Variants in INTS9 observed in about 807,000 individuals in gnomAD.
INTS9 encodes the protein integrator complex subunit 9, also known as protein related to CPSF subunits of 74 kDa.
INTS9 carries 55 observed loss-of-function variants against 79.7 expected under a neutral mutation model. The ratio of observed to expected loss-of-function variants is 0.69; its 90% CI spans 0.56 to 0.86. The LOEUF is 0.86. Among genes scored for constraint, INTS9 ranks in the 40% least tolerant of loss-of-function variants. The pLI is 0.00. For synonymous variants in INTS9, 319 were observed against 325.2 expected (o/e 0.98, Z 0.20); for missense variants, 721 against 831.5 (o/e 0.87, Z 1.64).
rs747979330 is a variant in INTS9, at chr8:28,775,864, C to T, written c.1458G>A (p.Met486Ile). Residue 486 changes from methionine (M) to isoleucine (I), a missense_variant, in exon 14 of 17, where the codon ATG (methionine) becomes ATA (isoleucine). Coordinates refer to ENST00000521022, the MANE Select transcript of INTS9 (RefSeq NM_018250.4). ...TQPPPAQSHR[M>I]DLMIDCQPPA... Reference sequence around the variant, plus strand: ...GGGGCTGGCAGTCGATCATGAGGTCCATCCTGTGGGACTGGGCTGGGGGCG... The same window carrying T: ...GGGGCTGGCAGTCGATCATGAGGTCTATCCTGTGGGACTGGGCTGGGGGCG... The T allele has an allele frequency of 1.9e-6, 3 of 1,612,438 alleles. No individual in the cohort carries two copies. Among genetic ancestry groups the T allele is most frequent in the South Asian group, 2.2e-5 (2 of 90,830 alleles).
In INTS9 at chr8:28,889,596, A is replaced by C. The variant is rs191947032; in HGVS notation, c.9+278T>G. On this transcript the variant is annotated intron_variant, in intron 1 of 16. Transcript: ENST00000521022. ...CGTCCAAACCTGGTTAACAGAGCCC[A>C]CAGAGTTCATGGGCGAAGGACTGTG... is the stretch of plus-strand genomic sequence containing the variant. 2.0e-3 allele frequency among the ~76,000 whole-genome samples: 309 copies of C among 152,298 alleles called. 2 individuals are homozygous for C. Among genetic ancestry groups the C allele is most frequent in the African/African-American group, 7.1e-3 (295 of 41,558 alleles).
chr8:28,872,732 A>G (rs972981831), intron 1 of INTS9, among the ~76,000 whole-genome samples: 1 of 152,198 alleles, frequency 6.6e-6, no homozygotes, highest in African/African-American at 2.4e-5. Flanking sequence ...AGCTATCAGG[A>G]GAGCCTGGAC....
chr8:28,859,781 C>T (rs1808355289), intron 1 of INTS9: 2 of 620,616 alleles, frequency 3.2e-6, no homozygotes, highest in Non-Finnish European at 5.9e-6. Flanking sequence ...TGTCTTTTCA[C>T]AGGGTGCCAA....
At chr8:28,828,071 C>T (rs573473518) in intron 6 of INTS9, among the ~76,000 whole-genome samples, 32 of 152,250 alleles carry the variant, frequency 2.1e-4, no homozygotes, top group Admixed American at 5.9e-4. Context: ...AAAGCACTGC[C>T]GCTCTCTGAG....
In INTS9 at chr8:28,796,562, C is replaced by G; in HGVS notation, c.838G>C (p.Glu280Gln). The G allele has an allele frequency of 6.2e-7, 1 of 1,611,120 alleles. No individual in the cohort carries two copies. Among genetic ancestry groups the G allele is most frequent in the Admixed American group, 1.7e-5 (1 of 60,020 alleles). ...PTANPDGMVG[E>Q]FCSNLALTVR... ...TGCACACCTAGGTTGCTGCAGAACT[C>G]TCCCACCATTCCATCTGGGTTTGCA... The change falls in exon 9 of 17, where the codon GAG becomes CAG. Residue 280 changes from glutamate (E) to glutamine (Q), a missense_variant. Transcript: ENST00000521022.
chr8:28,876,744 A>C (rs1809414442), intron 1 of INTS9, among the ~76,000 whole-genome samples: 1 of 152,188 alleles, frequency 6.6e-6, no homozygotes, highest in African/African-American at 2.4e-5. Context: ...ATCAACTGGA[A>C]AGGGTATTAA....
At chr8:28,781,672 G>A (rs193085222) in intron 11 of INTS9, among the ~76,000 whole-genome samples, 8 of 152,304 alleles carry the variant, frequency 5.3e-5, no homozygotes, top group East Asian at 1.9e-4. Context: ...AGTGAAGGGC[G>A]CCACTCTGAA....
rs1802436773 is a variant in INTS9 at position 28,770,002 on chromosome 8, TGGGCTGGGC to T, written c.1678_1686del (p.Ala560_Pro562del). 2 of 1,613,980 alleles carry T rather than the reference TGGGCTGGGC, an allele frequency of 1.2e-6. No individual in the cohort carries two copies. On this transcript the variant is annotated inframe_deletion, in exon 16 of 17. Transcript: ENST00000521022. ...ACCCGCTTTCTCTTCTTCCCGCTCG[TGGGCTGGGC>T]GGGCCGAGGAGGGGGCTAGAGCAGA...
rs1454224724 is a variant in INTS9 at position 28,846,781 on chromosome 8, A to G, written c.227T>C (p.Phe76Ser). 6.2e-7 allele frequency: 1 copy of G among 1,613,860 alleles called. No individual in the cohort carries two copies. Among genetic ancestry groups the G allele is most frequent in the African/African-American group, 1.3e-5 (1 of 75,054 alleles). Reference sequence around the variant, plus strand: ...ACAGAATTCCGGCACAGAATCCACAAATACATGACCCGAGCACTCCTTTAG... The same window carrying G: ...ACAGAATTCCGGCACAGAATCCACAGATACATGACCCGAGCACTCCTTTAG... ...KELKECSGHV[F>S]VDSVPEFCLP... The change falls in exon 4 of 17, where the codon TTT becomes TCT. Residue 76 changes from phenylalanine to serine, a missense_variant. Physicochemically the swap from Phe to Ser is radical, Grantham distance 155. Transcript: ENST00000521022.
chr8:28,882,532 T>TAA (rs369293166), intron 1 of INTS9, among the ~76,000 whole-genome samples: 7 of 63,306 alleles, frequency 1.1e-4, no homozygotes, highest in South Asian at 1.0e-3. Context: ...TATTAACAGC[T>TAA]AAAAAAAAAA....
chr8:28,839,737 T>C (rs1347810131), intron 4 of INTS9, among the ~76,000 whole-genome samples: 4 of 152,274 alleles, frequency 2.6e-5, no homozygotes, highest in East Asian at 3.9e-4. Flanking sequence ...TGGCTAGCCA[T>C]ATGTAGAAAG....
At chr8:28,830,864 T>C (rs1297084081) in intron 6 of INTS9, among the ~76,000 whole-genome samples, 1 of 152,082 alleles carries the variant, frequency 6.6e-6, no homozygotes. Flanking sequence ...CCTTCTCCAA[T>C]AGCGCAAGTT....
chr8:28,815,700 G>C (rs543214760), intron 6 of INTS9, among the ~76,000 whole-genome samples: 68 of 152,162 alleles, frequency 4.5e-4, no homozygotes, highest in African/African-American at 1.6e-3. Context: ...AAGAAATGAA[G>C]AGATTTAAAC....
chr8:28,771,058 A>T lies in INTS9; in HGVS notation c.1586T>A (p.Met529Lys). 6.2e-7 allele frequency: 1 copy of T among 1,611,838 alleles called. No individual in the cohort carries two copies. The highest frequency in any genetic ancestry group is 8.5e-7 in the Non-Finnish European group (1 of 1,179,016). ...MPELADSLVPMEIKPGISLAT... is the reference protein window; with the variant it reads ...MPELADSLVPKEIKPGISLAT... Reference sequence around the variant, plus strand: ...CAAGGAGATGCCAGGCTTGATCTCCATGGGCACCAGTGAATCTGCGAGCTG... The same window carrying T: ...CAAGGAGATGCCAGGCTTGATCTCCTTGGGCACCAGTGAATCTGCGAGCTG... The change falls in exon 15 of 17, where the codon ATG becomes AAG. Residue 529 changes from methionine to lysine, a missense_variant. Around this residue, in one of 3 missense-constraint regions of INTS9, gnomAD observed 281 missense variants for 300.8 expected, o/e 0.93. Transcript: ENST00000521022.
intron 9 of INTS9, among the ~76,000 whole-genome samples, chr8:28,796,322 CAA>C (rs1314431638): frequency 6.6e-6 from 1 of 152,168 alleles, no homozygotes; most frequent in African/African-American, 2.4e-5. Flanking sequence ...AACAACCACA[CAA>C]ACATTCATAC....
chr8:28,835,627 C>T (rs919003280), intron 5 of INTS9, among the ~76,000 whole-genome samples: 1 of 152,174 alleles, frequency 6.6e-6, no homozygotes, highest in African/African-American at 2.4e-5. Context: ...TAAAACAAGG[C>T]TGGCCTGTTT....
chr8:28,884,438 C>G (rs1363953284), intron 1 of INTS9, among the ~76,000 whole-genome samples: 1 of 152,066 alleles, frequency 6.6e-6, no homozygotes, highest in Non-Finnish European at 1.5e-5. Context: ...TCCTCCTCAG[C>G]TTCCTGAAGT....
chr8:28,833,523 G>C (rs1209861353), intron 6 of INTS9, among the ~76,000 whole-genome samples: 1 of 151,956 alleles, frequency 6.6e-6, no homozygotes, highest in Non-Finnish European at 1.5e-5. Flanking sequence ...GGGAGCCTGA[G>C]GCACGAGAAT....
At position 28,835,272 on chromosome 8, in the gene INTS9, G is replaced by A; in HGVS notation, c.488+20C>T. On this transcript the variant is annotated intron_variant, in intron 6 of 16. Transcript: ENST00000521022. The stretch of plus-strand genomic sequence containing the variant: ...ACCTGGCTCTACAGTCTCTCGGTAA[G>A]AGAGTGGTCTGTTCCTCACCTCTGA... The A allele has an allele frequency of 6.3e-7, 1 of 1,579,016 alleles. No individual in the cohort carries two copies. Among genetic ancestry groups the A allele is most frequent in the Non-Finnish European group, 8.7e-7 (1 of 1,149,894 alleles).
Sources: gnomAD v4.1 joint callset for allele counts (sites outside exome capture counted in the v4.1 genomes callset) on GRCh38, gnomAD v4.1.1 for gene constraint, gnomAD v4.1.1 regional missense constraint, MANE v1.5 for transcripts, NCBI Gene and HGNC (gene_info 2026-07-23, HGNC 2026-07-21) for gene names.